RFTN1: variants seen among roughly 807,000 people sequenced by gnomAD.
RFTN1 encodes raftlin, lipid raft linker 1, also known as raftlin.
In RFTN1, 26 loss-of-function variants were observed where a neutral mutation model predicts 46.5. The observed-to-expected ratio is 0.56, with a 90% confidence interval of 0.41 to 0.78. The LOEUF (loss-of-function observed/expected upper bound fraction) is 0.78, where lower values mean the gene tolerates loss of function less well. Ranked by LOEUF, RFTN1 falls within the 30% of genes least tolerant of loss-of-function variation. The probability of loss-of-function intolerance (pLI) is 0.00; values close to 1 mark genes in which losing one functional copy is unlikely to be tolerated. For missense variants in RFTN1, 693 were observed against 718.7 expected, an observed-to-expected ratio of 0.96 and a Z score of 0.41; for synonymous variants, 261 against 284.2, an observed-to-expected ratio of 0.92 and a Z score of 0.82.
Position 16,433,934 on chromosome 3 carries a change from G to A in RFTN1, c.249C>T (p.His83=). 2 of 1,614,154 alleles carry A rather than the reference G, an allele frequency of 1.2e-6. No individual in the cohort carries two copies. The highest frequency in any genetic ancestry group is 8.5e-7 in the Non-Finnish European group (1 of 1,180,006). ...GCTCATGGGTGGGCTGCACGAAGGGGTGCAGGGCCGCCAGCGAGAAGCCCT... is the reference window on the plus strand; with the variant it reads ...GCTCATGGGTGGGCTGCACGAAGGGATGCAGGGCCGCCAGCGAGAAGCCCT... ...YQQGFSLAAL[H]PFVQPTHERE... is the part of the protein sequence containing the mutation. The change falls in exon 3 of 10, where the codon CAC becomes CAT. Residue 83 remains histidine, a synonymous_variant. Coordinates refer to ENST00000334133, the MANE Select transcript of RFTN1 (RefSeq NM_015150.2). The surrounding 1 kb of genome is among the most constrained non-coding windows in gnomAD (Gnocchi z 4.4).
chr3:16,328,168 A>T (rs2069923314), intron 7 of RFTN1, among the ~76,000 whole-genome samples: 1 of 152,270 alleles, frequency 6.6e-6, no homozygotes. Context: ...GCTCTCTGGC[A>T]GGGCCATGGG....
At position 16,348,409 on chromosome 3, in the gene RFTN1, T is replaced by C. The variant is rs186803555; in HGVS notation, c.1146+9523A>G. ...GCCTTCTCTTCCAGCTGGCCTCTGC[T>C]CCTGTCACTTCCCACAGCAGGAAGC... On this transcript the variant is annotated intron_variant, in intron 7 of 9. Coordinates refer to ENST00000334133, the MANE Select transcript of RFTN1 (RefSeq NM_015150.2). The surrounding 1 kb of genome is among the most constrained non-coding windows in gnomAD (Gnocchi z 6.3). Among the ~76,000 whole-genome samples the C allele has an allele frequency of 1.3e-3, 191 of 152,252 alleles. No individual in the cohort carries two copies. Among genetic ancestry groups the C allele is most frequent in the Non-Finnish European group, 2.0e-3 (138 of 68,014 alleles).
At chr3:16,358,336 G>A (rs973124187) in intron 6 of RFTN1, among the ~76,000 whole-genome samples, 2 of 152,116 alleles carry the variant, frequency 1.3e-5, no homozygotes, top group Non-Finnish European at 1.5e-5. Context: ...TCCTTTTCAT[G>A]CTCCAGCGTC....
At position 16,345,838 on chromosome 3, in the gene RFTN1, G is replaced by GCA. The variant is rs1453466089; in HGVS notation, c.1146+12093_1146+12094insTG. ...TGTGTGCGCGCGCGCGTGCGCGCAC[G>GCA]CGCACATGTGCATGTGTATGTGTAT... is the stretch of plus-strand genomic sequence containing the variant. On this transcript the variant is annotated intron_variant, in intron 7 of 9. Transcript: ENST00000334133. This position sits in a 1 kb window ranked among gnomAD's most constrained non-coding sequence, Gnocchi z 5.2. Among the ~76,000 whole-genome samples the GCA allele has an allele frequency of 9.0e-5, 6 of 66,582 alleles. No homozygotes were observed. The highest frequency in any genetic ancestry group is 5.1e-4 in the African/African-American group (6 of 11,678). The allele number at this position is 66,582 out of a possible 152,430, so 43.7% of individuals were successfully genotyped here.
rs2076344725 is a variant in RFTN1, at chr3:16,480,301, G to C, written c.145+13424C>G. 6.6e-6 allele frequency among the ~76,000 whole-genome samples: 1 copy of C among 152,222 alleles called. No individual in the cohort carries two copies. The highest frequency in any genetic ancestry group is 1.5e-5 in the Non-Finnish European group (1 of 68,038). ...ACAAACTAATTCTGAGCTTACACTAGGGATGCCCAAGTGAAATAATCCCTT... is the reference window on the plus strand; with the variant it reads ...ACAAACTAATTCTGAGCTTACACTACGGATGCCCAAGTGAAATAATCCCTT... On this transcript the variant is annotated intron_variant, in intron 2 of 9. Coordinates refer to ENST00000334133, the MANE Select transcript of RFTN1 (RefSeq NM_015150.2). This position sits in a 1 kb window ranked among gnomAD's most constrained non-coding sequence, Gnocchi z 4.3.
chr3:16,454,023 G>C (rs767263027), intron 2 of RFTN1, among the ~76,000 whole-genome samples: 26 of 152,204 alleles, frequency 1.7e-4, no homozygotes, highest in South Asian at 1.4e-3. Flanking sequence ...GTCAAAGCCA[G>C]GGGTGAACAG....
At chr3:16,349,936 C>A (rs567952229) in intron 7 of RFTN1, 1 of 152,224 alleles carries the variant, frequency 6.6e-6, no homozygotes, top group African/African-American at 2.4e-5. Flanking sequence ...CTTCCTCTTC[C>A]GGGATCTCAA....
rs915257789 is a variant in RFTN1 at position 16,381,963 on chromosome 3, C to T, written c.442-3861G>A. ...CTGAGGGAAAACTGCAAGATTTCTT[C>T]GAATGCTCATCTTTTACCTTCAACT... On this transcript the variant is annotated intron_variant, in intron 4 of 9. Coordinates refer to ENST00000334133, the MANE Select transcript of RFTN1 (RefSeq NM_015150.2). The surrounding 1 kb of genome is among the most constrained non-coding windows in gnomAD (Gnocchi z 4.2). Among the ~76,000 whole-genome samples the T allele has an allele frequency of 1.7e-4, 26 of 152,120 alleles. No individual in the cohort carries two copies. Among genetic ancestry groups the T allele is most frequent in the Admixed American group, 1.3e-4 (2 of 15,278 alleles).
intron 6 of RFTN1, 83 bp downstream of exon 6, chr3:16,369,993 G>T: frequency 1.6e-6 from 2 of 1,260,546 alleles, no homozygotes; most frequent in Non-Finnish European, 2.3e-6. Flanking sequence ...GAATGAAGCA[G>T]ACTCTGAAGA....
chr3:16,485,293 T>C (rs1157191274), intron 2 of RFTN1, among the ~76,000 whole-genome samples: 2 of 152,150 alleles, frequency 1.3e-5, no homozygotes, highest in African/African-American at 2.4e-5. Flanking sequence ...AGGAATTAAC[T>C]CTTGATACAC....
At position 16,400,192 on chromosome 3, in the gene RFTN1, C is replaced by G. The variant is rs920391628; in HGVS notation, c.441+9183G>C. The stretch of plus-strand genomic sequence containing the variant: ...CGACTCACTCTCCAGCCTCACTCCA[C>G]CTCACTCACCCCTCTGTCATTTGCA... On this transcript the variant is annotated intron_variant, in intron 4 of 9. Transcript: ENST00000334133. The surrounding 1 kb of genome is among the most constrained non-coding windows in gnomAD (Gnocchi z 4.5). 1.3e-5 allele frequency among the ~76,000 whole-genome samples: 2 copies of G among 152,204 alleles called. No homozygotes were observed. The highest frequency in any genetic ancestry group is 4.8e-5 in the African/African-American group (2 of 41,442).
intron 2 of RFTN1, among the ~76,000 whole-genome samples, chr3:16,493,115 T>A (rs1651018682): frequency 6.6e-6 from 1 of 152,170 alleles, no homozygotes; most frequent in Non-Finnish European, 1.5e-5. Context: ...ACCTTCCTTC[T>A]CCACGGAGCT....
At position 16,320,376 on chromosome 3, in the gene RFTN1, T is replaced by G. The variant is rs2068910311; in HGVS notation, c.1332+3000A>C. On this transcript the variant is annotated intron_variant, in intron 9 of 9. Transcript: ENST00000334133. This position sits in a 1 kb window ranked among gnomAD's most constrained non-coding sequence, Gnocchi z 4.5. ...ATCCTCGGTGTGCCAATCTTGCAGTTTCTTTTCTTAAGTTTTAATGCTAGA... is the reference window on the plus strand; with the variant it reads ...ATCCTCGGTGTGCCAATCTTGCAGTGTCTTTTCTTAAGTTTTAATGCTAGA... Among the ~76,000 whole-genome samples the G allele has an allele frequency of 6.6e-6, 1 of 152,184 alleles. No homozygotes were observed. The highest frequency in any genetic ancestry group is 2.1e-4 in the South Asian group (1 of 4,832).
Position 16,357,978 on chromosome 3 carries a change from A to T in RFTN1, c.1100T>A (p.Ile367Lys). 6.8e-7 allele frequency: 1 copy of T among 1,475,002 alleles called. No homozygotes were observed. The highest frequency in any genetic ancestry group is 9.1e-7 in the Non-Finnish European group (1 of 1,097,084). 91.4% of individuals were successfully genotyped at this position (1,475,002 alleles called of 1,614,324 possible). ...AACCACAATAGCATCATAGCCCTGTATGGTTTTGCTATCTTCTGTGGAAAC... is the reference window on the plus strand; with the variant it reads ...AACCACAATAGCATCATAGCCCTGTTTGGTTTTGCTATCTTCTGTGGAAAC... ...EAVSTEDSKT[I>K]QGYDAIVVEQ... Residue 367 changes from isoleucine to lysine, a missense_variant, in exon 7 of 10, where the codon ATA (isoleucine) becomes AAA (lysine). Physicochemically the swap from Ile to Lys is moderately radical, Grantham distance 102. Transcript: ENST00000334133.
intron 3 of RFTN1, among the ~76,000 whole-genome samples, chr3:16,411,626 A>C (rs2074982757): frequency 6.6e-6 from 1 of 152,196 alleles, no homozygotes; most frequent in Non-Finnish European, 1.5e-5. Context: ...CTCCCCAAAC[A>C]AAAGACATAT....
rs373948137 is a variant in RFTN1 at position 16,505,068 on chromosome 3, C to G, written c.-9+8374G>C. Among the ~76,000 whole-genome samples the G allele has an allele frequency of 1.1e-4, 17 of 152,336 alleles. No homozygotes were observed. The East Asian group carries it at 2.1e-3, about 19-fold the overall frequency. On this transcript the variant is annotated intron_variant, in intron 1 of 9. Coordinates refer to ENST00000334133, the MANE Select transcript of RFTN1 (RefSeq NM_015150.2). ...TCTCCAAACCAATCTGCCATCGCAA[C>G]AGCTACCAACGCTTTCCTGGAATCT...
rs1004599179 is a variant in RFTN1, at chr3:16,425,486, T to G, written c.332+8365A>C. On this transcript the variant is annotated intron_variant, in intron 3 of 9. Coordinates refer to ENST00000334133, the MANE Select transcript of RFTN1 (RefSeq NM_015150.2). This position sits in a 1 kb window ranked among gnomAD's most constrained non-coding sequence, Gnocchi z 4.3. ...TCAGAAGAAACAAACAAACAAAAAATAAATAAAATGTGAGGAAAGACACAG... is the reference window on the plus strand; with the variant it reads ...TCAGAAGAAACAAACAAACAAAAAAGAAATAAAATGTGAGGAAAGACACAG... Among the ~76,000 whole-genome samples the G allele has an allele frequency of 6.6e-6, 1 of 151,852 alleles. No individual in the cohort carries two copies. The highest frequency in any genetic ancestry group is 1.5e-5 in the Non-Finnish European group (1 of 67,992).
At chr3:16,379,866 T>C (rs1445300074) in intron 4 of RFTN1, among the ~76,000 whole-genome samples, 1 of 152,230 alleles carries the variant, frequency 6.6e-6, no homozygotes, top group Non-Finnish European at 1.5e-5. Context: ...GAAATAATTA[T>C]ACCAAAGAAC....
rs763978788 is a variant in RFTN1 at position 16,433,908 on chromosome 3, C to G, written c.275G>C (p.Arg92Pro). The change falls in exon 3 of 10, where the codon CGG (arginine) becomes CCG (proline). Residue 92 changes from arginine to proline, a missense_variant. Transcript: ENST00000334133. This position sits in a 1 kb window ranked among gnomAD's most constrained non-coding sequence, Gnocchi z 4.4. Reference sequence around the variant, plus strand: ...GATGTGCTCCAGGGGCGTCTTCTCCCGCTCATGGGTGGGCTGCACGAAGGG... The same window carrying G: ...GATGTGCTCCAGGGGCGTCTTCTCCGGCTCATGGGTGGGCTGCACGAAGGG... ...LHPFVQPTHE[R>P]EKTPLEHIFR... 6.2e-7 allele frequency: 1 copy of G among 1,614,206 alleles called. No individual in the cohort carries two copies. The highest frequency in any genetic ancestry group is 2.2e-5 in the East Asian group (1 of 44,882).
Sources: allele counts gnomAD v4.1 joint callset (sites outside exome capture counted in the v4.1 genomes callset), GRCh38; gene constraint gnomAD v4.1.1; non-coding constraint Gnocchi (gnomAD v3.1); transcripts MANE v1.5; gene names NCBI Gene and HGNC (gene_info 2026-07-23, HGNC 2026-07-21).